Variants in KLF12 observed in about 807,000 individuals in gnomAD.
KLF12 encodes the protein Krueppel-like factor 12.
A neutral mutation model predicts 37.8 loss-of-function variants in KLF12; 9 were observed. The observed-to-expected ratio is 0.24, with a 90% CI of 0.14 to 0.42. The LOEUF is 0.42. Ranked by LOEUF, KLF12 falls within the 10% of genes least tolerant of loss-of-function variation. The probability of loss-of-function intolerance (pLI) is 1.00; values close to 1 mark genes in which losing one functional copy is unlikely to be tolerated. For missense variants in KLF12, 411 were observed against 516.0 expected, an observed-to-expected ratio of 0.80 and a Z score of 1.97; for synonymous variants, 208 against 202.1, an observed-to-expected ratio of 1.03 and a Z score of -0.25.
At chr13:73,880,342 C>T (rs560613920) in intron 3 of KLF12, among the ~76,000 whole-genome samples, 8 of 152,268 alleles carry the variant, frequency 5.3e-5, no homozygotes, top group Non-Finnish European at 7.3e-5. Flanking sequence ...TCCAGGCTAA[C>T]GAAGAGTTAA....
intron 1 of KLF12, among the ~76,000 whole-genome samples, chr13:74,014,755 T>A (rs1220853729): frequency 6.6e-6 from 1 of 152,240 alleles, no homozygotes; most frequent in East Asian, 1.9e-4. Flanking sequence ...TTCCAAGGTC[T>A]CCGTCTGTAA....
the KLF12 span, among the ~76,000 whole-genome samples, chr13:74,239,428 G>T: frequency 1.7e-5 from 2 of 119,392 alleles, no homozygotes; most frequent in South Asian, 6.7e-4. Context: ...TTGATTTGGG[G>T]TGGAGAGTTC....
At chr13:73,781,030 C>T (rs1321438509) in intron 5 of KLF12, among the ~76,000 whole-genome samples, 2 of 152,164 alleles carry the variant, frequency 1.3e-5, no homozygotes, top group Non-Finnish European at 2.9e-5. Context: ...TGTCTTATTT[C>T]GAGAAATTGC....
chr13:74,011,511 G>A (rs908872797), intron 1 of KLF12, among the ~76,000 whole-genome samples: 6 of 151,848 alleles, frequency 4.0e-5, no homozygotes, highest in Non-Finnish European at 7.4e-5. Context: ...ATATACAGTC[G>A]GCCCTCTTTC....
chr13:74,283,856 A>T, the KLF12 span, among the ~76,000 whole-genome samples: 5 of 119,180 alleles, frequency 4.2e-5, no homozygotes, highest in South Asian at 1.8e-3. Flanking sequence ...GTATGTATAA[A>T]TCTTTTTTTT....
chr13:74,113,167 C>T (rs1413165203), intron 1 of KLF12, among the ~76,000 whole-genome samples: 1 of 152,190 alleles, frequency 6.6e-6, no homozygotes, highest in African/African-American at 2.4e-5. Flanking sequence ...AAGAAGCCAT[C>T]TGCATAACAT....
intron 1 of KLF12, among the ~76,000 whole-genome samples, chr13:74,015,190 A>C (rs898708066): frequency 6.6e-6 from 1 of 152,204 alleles, no homozygotes; most frequent in African/African-American, 2.4e-5. Context: ...CTATTACCAT[A>C]GACTGATCCA....
intron 3 of KLF12, among the ~76,000 whole-genome samples, chr13:73,858,273 A>T (rs916175405): frequency 2.6e-5 from 4 of 152,176 alleles, no homozygotes; most frequent in African/African-American, 9.7e-5. Flanking sequence ...AATATTCTAT[A>T]CTGTTAAAAG....
chr13:74,213,534 G>A, the KLF12 span, among the ~76,000 whole-genome samples: 1 of 151,462 alleles, frequency 6.6e-6, no homozygotes, highest in Admixed American at 6.6e-5. Context: ...TCCTTTAACT[G>A]GTAGTTAGAA....
intron 5 of KLF12, among the ~76,000 whole-genome samples, chr13:73,797,188 G>A (rs1882023669): frequency 1.3e-5 from 2 of 152,108 alleles, no homozygotes; most frequent in Admixed American, 6.5e-5. Context: ...CTCAGGGATC[G>A]TCCTTCTGCC....
intron 1 of KLF12, among the ~76,000 whole-genome samples, chr13:74,014,366 A>T (rs921748999): frequency 6.6e-6 from 1 of 152,234 alleles, no homozygotes; most frequent in African/African-American, 2.4e-5. Context: ...ACATTAAAAC[A>T]GCCATTTAGA....
chr13:73,707,286 G>C (rs542569632), intron 7 of KLF12, among the ~76,000 whole-genome samples: 1 of 152,174 alleles, frequency 6.6e-6, no homozygotes. Context: ...TAAAGCACTC[G>C]AAGAGGTATG....
chr13:73,887,399 G>A (rs995458081), intron 3 of KLF12, among the ~76,000 whole-genome samples: 1 of 152,134 alleles, frequency 6.6e-6, no homozygotes, highest in Admixed American at 6.5e-5. Flanking sequence ...TTACTACCAT[G>A]GTAACGAGTG....
intron 6 of KLF12, among the ~76,000 whole-genome samples, chr13:73,723,365 C>G (rs992419081): frequency 6.6e-6 from 1 of 152,190 alleles, no homozygotes; most frequent in African/African-American, 2.4e-5. Flanking sequence ...TTATACTAGA[C>G]ATACCCACTG....
chr13:74,178,271 C>T, the KLF12 span, among the ~76,000 whole-genome samples: 4 of 152,204 alleles, frequency 2.6e-5, no homozygotes, highest in Non-Finnish European at 5.9e-5. Flanking sequence ...ACTCACTAGG[C>T]TACTGCTTCA....
At chr13:73,748,082 T>C (rs1269201117) in intron 6 of KLF12, among the ~76,000 whole-genome samples, 2 of 152,146 alleles carry the variant, frequency 1.3e-5, no homozygotes, top group Non-Finnish European at 1.5e-5. Context: ...TTGTGGAGAA[T>C]CACTTTGGAG....
chr13:74,058,840 A>G (rs900317468), intron 1 of KLF12, among the ~76,000 whole-genome samples: 1 of 152,190 alleles, frequency 6.6e-6, no homozygotes, highest in South Asian at 2.1e-4. Flanking sequence ...CATGTGCAGG[A>G]CTGTTACACG....
chr13:73,839,231 C>T (rs1201637586), intron 4 of KLF12, among the ~76,000 whole-genome samples: 1 of 150,960 alleles, frequency 6.6e-6, no homozygotes, highest in African/African-American at 2.4e-5. Context: ...TACCTGGGAC[C>T]ACAGGTGCTT....
intron 2 of KLF12, among the ~76,000 whole-genome samples, chr13:73,959,361 T>C (rs1890950574): frequency 6.6e-6 from 1 of 152,008 alleles, no homozygotes; most frequent in Admixed American, 6.6e-5. Context: ...CCAAAGACAT[T>C]TTGGGACAGA....
Sources: gnomAD v4.1 joint callset for allele counts (sites outside exome capture counted in the v4.1 genomes callset) on GRCh38, gnomAD v4.1.1 for gene constraint, MANE v1.5 for transcripts, NCBI Gene and HGNC (gene_info 2026-07-23, HGNC 2026-07-21) for gene names.